The following USP13 variants were observed in gnomAD, a reference collection of about 807,000 sequenced individuals.
USP13 encodes ubiquitin specific peptidase 13.
A neutral mutation model predicts 107.8 loss-of-function variants in USP13; 68 were observed. The ratio of observed to expected loss-of-function variants is 0.63; its 90% CI spans 0.52 to 0.77. The LOEUF is 0.77. USP13 is among the 30% of genes least tolerant of loss of function. The pLI, the probability that USP13 is intolerant of heterozygous loss-of-function variation, is 0.00. For missense variants in USP13, 945 were observed against 1,093.3 expected, an observed-to-expected ratio of 0.86 and a Z score of 1.91; for synonymous variants, 377 against 389.5, an observed-to-expected ratio of 0.97 and a Z score of 0.38.
At position 179,737,553 on chromosome 3, in the gene USP13, T is replaced by A. The variant is rs78275974; in HGVS notation, c.1255-2694T>A. Among the ~76,000 whole-genome samples the A allele has an allele frequency of 6.7e-3, 1,025 of 152,350 alleles. 21 individuals are homozygous for A. The highest frequency in any genetic ancestry group is 0.023 in the African/African-American group (975 of 41,574). ...TGTGAATGAAGAAAGTCACAATTTT[T>A]ACATAGGTTTCAGGAGGTGTATATA... On this transcript the variant is annotated intron_variant, in intron 10 of 20. Transcript: ENST00000263966.
chr3:179,690,001 T>C (rs1712055114), intron 2 of USP13, among the ~76,000 whole-genome samples: 1 of 152,202 alleles, frequency 6.6e-6, no homozygotes, highest in South Asian at 2.1e-4. Context: ...CTGGTTTCCA[T>C]TTCTTTTTCC....
intron 8 of USP13, among the ~76,000 whole-genome samples, chr3:179,728,243 G>A (rs1012246466): frequency 1.3e-5 from 2 of 149,890 alleles, no homozygotes; most frequent in African/African-American, 4.9e-5. Flanking sequence ...CTGCCGGGCA[G>A]AGACGCTCCT....
At chr3:179,757,520 C>T (rs1293614595) in intron 16 of USP13, among the ~76,000 whole-genome samples, 5 of 152,166 alleles carry the variant, frequency 3.3e-5, no homozygotes, top group Admixed American at 6.5e-5. Context: ...TTAATGCTCT[C>T]AAGGATATTA....
At chr3:179,761,444 C>G (rs1367715923) in intron 17 of USP13, among the ~76,000 whole-genome samples, 189 bp downstream of exon 17, 2 of 151,952 alleles carry the variant, frequency 1.3e-5, no homozygotes, top group African/African-American at 4.8e-5. Flanking sequence ...CAGCTTTAGG[C>G]CAGGCGTGGG....
chr3:179,695,330 T>A (rs538264470), intron 3 of USP13, among the ~76,000 whole-genome samples: 10 of 152,332 alleles, frequency 6.6e-5, no homozygotes, highest in African/African-American at 1.9e-4. Flanking sequence ...TTCCATCAGC[T>A]CAACAGTGAC....
chr3:179,726,872 G>A (rs1388209211), intron 8 of USP13, among the ~76,000 whole-genome samples: 3 of 151,912 alleles, frequency 2.0e-5, no homozygotes, highest in African/African-American at 7.3e-5. Context: ...TAGAGATAGG[G>A]TCTTATTTTG....
At chr3:179,758,743 C>T (rs1714897393) in intron 16 of USP13, among the ~76,000 whole-genome samples, 1 of 152,098 alleles carries the variant, frequency 6.6e-6, no homozygotes, top group Admixed American at 6.5e-5. Context: ...CGTGATCCAC[C>T]CGCCTCGGCC....
At chr3:179,670,135 T>C (rs1720707356) in intron 1 of USP13, among the ~76,000 whole-genome samples, 1 of 152,244 alleles carries the variant, frequency 6.6e-6, no homozygotes, top group Admixed American at 6.5e-5. Context: ...GAGGGTACTC[T>C]TCCTTCTTTG....
At chr3:179,738,320 T>C (rs926788794) in intron 10 of USP13, among the ~76,000 whole-genome samples, 1 of 152,234 alleles carries the variant, frequency 6.6e-6, no homozygotes, top group South Asian at 2.1e-4. Context: ...ATTACTTCTT[T>C]GGCTCAAATG....
chr3:179,768,356 C>G (rs1715243628), intron 19 of USP13, among the ~76,000 whole-genome samples: 1 of 152,210 alleles, frequency 6.6e-6, no homozygotes, highest in Non-Finnish European at 1.5e-5. Flanking sequence ...ATCATCTCCT[C>G]AGGGCTTACT....
At chr3:179,672,211 A>T (rs1720768673) in intron 1 of USP13, among the ~76,000 whole-genome samples, 1 of 152,204 alleles carries the variant, frequency 6.6e-6, no homozygotes, top group South Asian at 2.1e-4. Flanking sequence ...AACGGCAGGC[A>T]ATATAAAATC....
intron 8 of USP13, among the ~76,000 whole-genome samples, chr3:179,724,020 C>T (rs982857366): frequency 3.3e-5 from 5 of 151,410 alleles, no homozygotes; most frequent in Admixed American, 6.6e-5. Flanking sequence ...AATAGCCGGG[C>T]GTGGTGGTGC....
At chr3:179,719,860 G>A in intron 6 of USP13, 80 bp from the exon 7 acceptor site, 2 of 1,211,784 alleles carry the variant, frequency 1.7e-6, no homozygotes, top group South Asian at 1.3e-5. Context: ...CTGGTGTACA[G>A]TAGGAGTTCA....
chr3:179,653,205 G>A lies in USP13; in HGVS notation c.-21G>A. 1 of 1,471,724 alleles carries A rather than the reference G, an allele frequency of 6.8e-7. No homozygotes were observed. 91.2% of individuals were successfully genotyped at this position (1,471,724 alleles called of 1,614,324 possible). ...CTCCGGCTCCGGCTCGGCTCGCTCG[G>A]CTCCGGTGCGCGCCGAGGCCATGCA... is the stretch of plus-strand genomic sequence containing the variant. On this transcript the variant is annotated 5_prime_UTR_variant, in exon 1 of 21. Transcript: ENST00000263966. This position sits in a 1 kb window ranked among gnomAD's most constrained non-coding sequence, Gnocchi z 4.0.
chr3:179,750,326 G>GTATATATATA (rs569602060), intron 13 of USP13, among the ~76,000 whole-genome samples: 19 of 75,826 alleles, frequency 2.5e-4, no homozygotes, highest in East Asian at 7.6e-4. Flanking sequence ...ATATATGTGT[G>GTATATATATA]TATATATATA....
In USP13 at chr3:179,730,723, C is replaced by T. The variant is rs1013760686; in HGVS notation, c.1254+14C>T. The T allele has an allele frequency of 2.0e-5, 32 of 1,610,582 alleles. No homozygotes were observed. The highest frequency in any genetic ancestry group is 4.5e-5 in the East Asian group (2 of 44,824). On this transcript the variant is annotated intron_variant, in intron 10 of 20. Transcript: ENST00000263966. ...GAGGAGCACAAGGTATGTGTCCGAG[C>T]GTTTGCCATGTTGACATGTAGGTAG...
At chr3:179,744,912 C>T in intron 12 of USP13, 131 bp from the exon 13 acceptor site, 1 of 1,099,464 alleles carries the variant, frequency 9.1e-7, no homozygotes, top group Non-Finnish European at 1.3e-6. Flanking sequence ...GCATCTGGCT[C>T]TGTAAAGGGC....
intron 11 of USP13, among the ~76,000 whole-genome samples, chr3:179,741,154 TC>T (rs1714183125): frequency 6.6e-6 from 1 of 151,792 alleles, no homozygotes; most frequent in Non-Finnish European, 1.5e-5. Flanking sequence ...AACATCAAAA[TC>T]CCCCTTAATG....
intron 19 of USP13, among the ~76,000 whole-genome samples, chr3:179,774,702 G>A (rs1033978779): frequency 1.3e-5 from 2 of 152,214 alleles, no homozygotes; most frequent in African/African-American, 4.8e-5. Flanking sequence ...TCCACAGTTT[G>A]GAAGGGGACC....
Sources: gnomAD v4.1 joint callset for allele counts (sites outside exome capture counted in the v4.1 genomes callset) on GRCh38, gnomAD v4.1.1 for gene constraint, Gnocchi (gnomAD v3.1) non-coding constraint, MANE v1.5 for transcripts, NCBI Gene and HGNC (gene_info 2026-07-23, HGNC 2026-07-21) for gene names.